EIF4E3: variants seen among roughly 807,000 people sequenced by gnomAD.
EIF4E3 encodes eukaryotic translation initiation factor 4E family member 3.
In EIF4E3, 26 loss-of-function variants were observed where a neutral mutation model predicts 31.7. The ratio of observed to expected loss-of-function variants is 0.82; its 90% confidence interval spans 0.60 to 1.14. EIF4E3 has a LOEUF of 1.14. Ranked by LOEUF, EIF4E3 falls within the 50% of genes most tolerant of loss-of-function variation. The pLI is 0.00. For missense variants in EIF4E3, 304 were observed against 270.9 expected, an observed-to-expected ratio of 1.12 and a Z score of -0.86; for synonymous variants, 128 against 107.7, an observed-to-expected ratio of 1.19 and a Z score of -1.17.
At chr3:71,673,144 TAAGG>T (rs2107983824), downstream of EIF4E3, among the ~76,000 whole-genome samples, 1 of 152,344 alleles carries the variant, frequency 6.6e-6, no homozygotes, top group South Asian at 2.1e-4. Context: ...TGAAAATGCA[TAAGG>T]TAGTGGCCGC....
At chr3:71,665,900 A>G in the EIF4E3 span, among the ~76,000 whole-genome samples, 3 of 152,334 alleles carry the variant, frequency 2.0e-5, no homozygotes, top group South Asian at 4.1e-4. Flanking sequence ...TTTGAAACCA[A>G]TGAGAACAAA....
chr3:71,660,983 C>T, the EIF4E3 span, among the ~76,000 whole-genome samples: 3 of 152,106 alleles, frequency 2.0e-5, no homozygotes, highest in Admixed American at 6.5e-5. Flanking sequence ...CTTCCACCAG[C>T]AGCCCAGCAG....
At chr3:71,744,986 A>G (rs1393708891) in intron 1 of EIF4E3, among the ~76,000 whole-genome samples, 1 of 152,210 alleles carries the variant, frequency 6.6e-6, no homozygotes. Context: ...GAAGGGTGGT[A>G]GCAGGGGTTT....
rs992895762 is a variant in EIF4E3 at position 71,725,304 on chromosome 3, C to T, written c.64G>A (p.Ala22Thr). ...GGCTCGGGGGCGGCGGCAGCGGCGG[C>T]GGCGCGGGACCCCGGCGGCTCCCGG... Reference protein sequence around the residue: ...GAREPPGSRAAAAAAAPEPPL... With the variant: ...GAREPPGSRATAAAAAPEPPL... Residue 22 changes from alanine (A) to threonine (T), a missense_variant, in exon 1 of 7, where the codon GCC becomes ACC. Physicochemically the swap from Ala to Thr is moderately conservative, Grantham distance 58. Transcript: ENST00000425534. The surrounding 1 kb of genome is among the most constrained non-coding windows in gnomAD (Gnocchi z 6.1). 20 of 988,730 alleles carry T rather than the reference C, an allele frequency of 2.0e-5. No individual in the cohort carries two copies. In the East Asian group the frequency reaches 8.5e-4, roughly 42 times the overall value. 61.2% of individuals were successfully genotyped at this position (988,730 alleles called of 1,614,324 possible).
chr3:71,687,164 C>A (rs1207685556), intron 6 of EIF4E3, among the ~76,000 whole-genome samples: 1 of 152,132 alleles, frequency 6.6e-6, no homozygotes, highest in East Asian at 1.9e-4. Flanking sequence ...CCACGCCTGG[C>A]TAGCTTTTTA....
upstream of EIF4E3, chr3:71,754,611 C>G: frequency 2.8e-6 from 4 of 1,450,726 alleles, no homozygotes; most frequent in Non-Finnish European, 3.6e-6. This position sits in a 1 kb window ranked among gnomAD's most constrained non-coding sequence, Gnocchi z 5.8. Flanking sequence ...GGGCTTCCTG[C>G]TGCTGCTGGC....
intron 1 of EIF4E3, chr3:71,753,439 G>GCGCCGC: frequency 6.6e-6 from 1 of 152,402 alleles, no homozygotes; most frequent in East Asian, 1.9e-4. Context: ...CCCAGCGCGG[G>GCGCCGC]CGCCGCCGCC....
At chr3:71,665,493 T>A in the EIF4E3 span, among the ~76,000 whole-genome samples, 1 of 152,204 alleles carries the variant, frequency 6.6e-6, no homozygotes, top group East Asian at 1.9e-4. Context: ...GAGAGATACT[T>A]TTCCCCTATT....
chr3:71,699,729 C>G, intron 2 of EIF4E3, 21 bp from the exon 3 acceptor site: 2 of 1,572,586 alleles, frequency 1.3e-6, no homozygotes, highest in Non-Finnish European at 1.7e-6. Context: ...AAAACAAACA[C>G]TTTGTTTAAT....
chr3:71,714,268 AGG>A (rs1491355944), intron 1 of EIF4E3, among the ~76,000 whole-genome samples: 8 of 118,894 alleles, frequency 6.7e-5, no homozygotes, highest in Admixed American at 4.7e-4. Flanking sequence ...GAAGGAAGGA[AGG>A]AAAGAAGGAA....
chr3:71,716,785 A>T (rs963043919), intron 1 of EIF4E3, among the ~76,000 whole-genome samples: 1 of 152,164 alleles, frequency 6.6e-6, no homozygotes, highest in African/African-American at 2.4e-5. Flanking sequence ...CCATGCCCTT[A>T]GTCATTAGCC....
chr3:71,664,028 C>G, the EIF4E3 span, among the ~76,000 whole-genome samples: 4 of 152,106 alleles, frequency 2.6e-5, no homozygotes, highest in Non-Finnish European at 5.9e-5. Flanking sequence ...AAGGTCCCTC[C>G]CCTGCAGGGA....
At chr3:71,718,349 G>A (rs1167518265) in intron 1 of EIF4E3, among the ~76,000 whole-genome samples, 1 of 152,178 alleles carries the variant, frequency 6.6e-6, no homozygotes, top group Non-Finnish European at 1.5e-5. Flanking sequence ...AGTTAATAAT[G>A]CATCTACTGA....
chr3:71,661,819 G>C, the EIF4E3 span, among the ~76,000 whole-genome samples: 1 of 152,290 alleles, frequency 6.6e-6, no homozygotes, highest in East Asian at 1.9e-4. Context: ...AATGGTGGAT[G>C]GTGAGATAAT....
At position 71,678,773 on chromosome 3, in the gene EIF4E3, A is replaced by C. The variant is rs550270581; in HGVS notation, c.*5909T>G. On this transcript the variant is annotated 3_prime_UTR_variant, in exon 7 of 7. Transcript: ENST00000425534. ...AAGCAGATCCAAAACATAATCAAAC[A>C]AACCTGGTTCAACTTACACAGGTAA... 3.3e-5 allele frequency: 5 copies of C among 152,382 alleles called. No homozygotes were observed. The highest frequency in any genetic ancestry group is 7.2e-5 in the African/African-American group (3 of 41,572). The allele number at this position is 152,382 out of a possible 1,614,324, so 9.4% of individuals were successfully genotyped here.
upstream of EIF4E3, chr3:71,754,623 G>A (rs768578421): frequency 2.0e-6 from 3 of 1,463,756 alleles, no homozygotes; most frequent in African/African-American, 1.5e-5. This position sits in a 1 kb window ranked among gnomAD's most constrained non-coding sequence, Gnocchi z 5.8. Context: ...GCTGCTGGCC[G>A]TGGTGGTGGG....
At chr3:71,746,019 TG>T (rs1253339045) in intron 1 of EIF4E3, among the ~76,000 whole-genome samples, 4 of 152,248 alleles carry the variant, frequency 2.6e-5, no homozygotes, top group Non-Finnish European at 5.9e-5. Flanking sequence ...GTTAGCATAA[TG>T]GTTTTTCGCA....
downstream of EIF4E3, among the ~76,000 whole-genome samples, chr3:71,672,006 C>A (rs2048849462): frequency 6.6e-6 from 1 of 152,176 alleles, no homozygotes; most frequent in Admixed American, 6.5e-5. Context: ...AAATCCTGCG[C>A]TCCCCGATTT....
chr3:71,667,912 T>C, the EIF4E3 span, among the ~76,000 whole-genome samples: 1 of 152,142 alleles, frequency 6.6e-6, no homozygotes, highest in African/African-American at 2.4e-5. Flanking sequence ...ACTTCAAATT[T>C]CATATGGAAC....
Sources: allele counts gnomAD v4.1 joint callset (sites outside exome capture counted in the v4.1 genomes callset), GRCh38; gene constraint gnomAD v4.1.1; non-coding constraint Gnocchi (gnomAD v3.1); transcripts MANE v1.5; gene names NCBI Gene and HGNC (gene_info 2026-07-23, HGNC 2026-07-21).